EPPK1: variants seen among roughly 807,000 people sequenced by gnomAD.
EPPK1 encodes epiplakin 1.
For synonymous variants in EPPK1, 1,862 were observed against 1,721.2 expected, an observed-to-expected ratio of 1.08 and a Z score of -2.03; for missense variants, 3,823 against 3,673.3, an observed-to-expected ratio of 1.04 and a Z score of -1.05.
chr8:143,866,725 T>A lies in EPPK1; in HGVS notation c.6529A>T (p.Ile2177Phe). 1 of 1,613,460 alleles carries A rather than the reference T, an allele frequency of 6.2e-7. No individual in the cohort carries two copies. Among genetic ancestry groups the A allele is most frequent in the Non-Finnish European group, 8.5e-7 (1 of 1,179,864 alleles). ...TSNKHLWFQG[I>F]RRQITASELL... The stretch of plus-strand genomic sequence containing the variant: ...TCAGAAGCTGTGATCTGTCGTCTAA[T>A]TCCTTGGAACCACAGGTGTTTGTTG... The change falls in exon 2 of 2, where the codon ATT becomes TTT. Residue 2177 changes from isoleucine (I) to phenylalanine (F), a missense_variant. Coordinates refer to ENST00000615648, the MANE Select transcript of EPPK1 (RefSeq NM_031308.4).
At position 143,870,976 on chromosome 8, in the gene EPPK1, G is replaced by A. The variant is rs375680720; in HGVS notation, c.2278C>T (p.Pro760Ser). 1.9e-6 allele frequency: 3 copies of A among 1,613,476 alleles called. No homozygotes were observed. The East Asian group carries it at 6.7e-5, about 36-fold the overall frequency. ...AAGAAGCCCTTGGTGTCGTCAGAAG[G>A]GTCCAACAGGATCAAGTTCAGCATC... The part of the protein sequence containing the change: ...DQMLNLILLD[P>S]SDDTKGFFDP... Residue 760 changes from proline to serine, a missense_variant, in exon 2 of 2, where the codon CCT (proline) becomes TCT (serine). Pro to Ser is a moderately conservative substitution (Grantham distance 74). Coordinates refer to ENST00000615648, the MANE Select transcript of EPPK1 (RefSeq NM_031308.4). The surrounding 1 kb of genome is among the most constrained non-coding windows in gnomAD (Gnocchi z 5.2).
chr8:143,872,904 C>A lies in EPPK1; in HGVS notation c.350G>T (p.Arg117Leu), dbSNP rs566009223. 5.6e-6 allele frequency: 9 copies of A among 1,606,036 alleles called. No homozygotes were observed. Among genetic ancestry groups the A allele is most frequent in the Non-Finnish European group, 7.7e-6 (9 of 1,176,198 alleles). ...ELKEKLLAAE[R>L]ATTGYPDPYG... ...GGGGTCAGGATAGCCCGTAGTGGCA[C>A]GCTCAGCGGCCAGCAGCTTCTCCTT... Residue 117 changes from arginine to leucine, a missense_variant, in exon 2 of 2, where the codon CGT (arginine) becomes CTT (leucine). By Grantham distance (102) the Arg-to-Leu change is moderately radical (BLOSUM62 -2). Coordinates refer to ENST00000615648, the MANE Select transcript of EPPK1 (RefSeq NM_031308.4).
Position 143,872,436 on chromosome 8 carries a change from G to A in EPPK1, c.818C>T (p.Ala273Val). 1 of 1,600,058 alleles carries A rather than the reference G, an allele frequency of 6.2e-7. No homozygotes were observed. The highest frequency in any genetic ancestry group is 8.5e-7 in the Non-Finnish European group (1 of 1,178,910). Reference sequence around the variant, plus strand: ...CAGGTAGCGCCGCACCTCGGCACGTGCACTCACGTCCACTGCGGCCAGCCT... The same window carrying A: ...CAGGTAGCGCCGCACCTCGGCACGTACACTCACGTCCACTGCGGCCAGCCT... ...EGRLAAVDVS[A>V]RAEVRRYLEG... The change falls in exon 2 of 2, where the codon GCA becomes GTA. Residue 273 changes from alanine to valine, a missense_variant. By Grantham distance (64) the Ala-to-Val change is moderately conservative (BLOSUM62 0). Coordinates refer to ENST00000615648, the MANE Select transcript of EPPK1 (RefSeq NM_031308.4).
chr8:143,869,658 G>A lies in EPPK1; in HGVS notation c.3596C>T (p.Pro1199Leu). Residue 1199 changes from proline to leucine, a missense_variant, in exon 2 of 2, where the codon CCA becomes CTA. Coordinates refer to ENST00000615648, the MANE Select transcript of EPPK1 (RefSeq NM_031308.4). Reference protein sequence around the residue: ...LAQARVMVPGPRGEVPAVWLL... With the variant: ...LAQARVMVPGLRGEVPAVWLL... The stretch of plus-strand genomic sequence containing the variant: ...CCAGACAGCGGGTACCTCACCCCGT[G>A]GGCCGGGCACCATGACGCGGGCCTG... 6.3e-7 allele frequency: 1 copy of A among 1,594,750 alleles called. No individual in the cohort carries two copies. The highest frequency in any genetic ancestry group is 1.3e-5 in the African/African-American group (1 of 74,634).
rs781937838 is a variant in EPPK1 at position 143,869,808 on chromosome 8, C to G, written c.3446G>C (p.Ser1149Thr). 5.6e-5 allele frequency: 89 copies of G among 1,599,410 alleles called. No homozygotes were observed. Among genetic ancestry groups the G allele is most frequent in the Non-Finnish European group, 6.0e-5 (71 of 1,174,418 alleles). ...TTGCTCCTCGGTGAAGTGGCAGGAG[C>G]TGAGCAGGTCCCAGAGGGATGTGCC... ...KDGTSLWDLL[S>T]SCHFTEEQRR... Residue 1149 changes from serine to threonine, a missense_variant, in exon 2 of 2, where the codon AGC (serine) becomes ACC (threonine). Ser to Thr is a moderately conservative substitution (Grantham distance 58). Transcript: ENST00000615648.
chr8:143,871,017 C>A lies in EPPK1; in HGVS notation c.2237G>T (p.Arg746Leu). 1 of 1,613,260 alleles carries A rather than the reference C, an allele frequency of 6.2e-7. No homozygotes were observed. The highest frequency in any genetic ancestry group is 8.5e-7 in the Non-Finnish European group (1 of 1,179,980). Residue 746 changes from arginine to leucine, a missense_variant, in exon 2 of 2, where the codon CGC becomes CTC. Transcript: ENST00000615648. ...GTTCAGCATCTGATCGAAGTAGCCG[C>A]GCCGGTAGGCCACGTCCACGGGCAC... ...HRVPVDVAYR[R>L]GYFDQMLNLI...
rs1554657697 is a variant in EPPK1 at position 143,857,439 on chromosome 8, A to G, written c.*548T>C. 1.3e-5 allele frequency: 2 copies of G among 153,062 alleles called. No homozygotes were observed. Among genetic ancestry groups the G allele is most frequent in the Non-Finnish European group, 2.9e-5 (2 of 68,668 alleles). 9.5% of individuals were successfully genotyped at this position (153,062 alleles called of 1,614,324 possible). On this transcript the variant is annotated 3_prime_UTR_variant, in exon 2 of 2. Transcript: ENST00000615648. Reference sequence around the variant, plus strand: ...TGAGGTCACACCTCTAAGGTGGAGCAGCAGCCAATGGAGAGAATAAAGCCC... The same window carrying G: ...TGAGGTCACACCTCTAAGGTGGAGCGGCAGCCAATGGAGAGAATAAAGCCC...
chr8:143,871,066 T>C lies in EPPK1; in HGVS notation c.2188A>G (p.Ile730Val), dbSNP rs1169026845. The C allele has an allele frequency of 1.2e-6, 2 of 1,612,910 alleles. No individual in the cohort carries two copies. Among genetic ancestry groups the C allele is most frequent in the Middle Eastern group, 1.6e-4 (1 of 6,062 alleles). Residue 730 changes from isoleucine (I) to valine (V), a missense_variant, in exon 2 of 2, where the codon ATC (isoleucine) becomes GTC (valine). Physicochemically the swap from Ile to Val is conservative, Grantham distance 29. Transcript: ENST00000615648. ...ACGCGGTGGCTGTGCACGGGGTCGA[T>C]GACGCCGCCCGTGGCGATCTGGGCC... Reference protein sequence around the residue: ...LEAQIATGGVIDPVHSHRVPV... With the variant: ...LEAQIATGGVVDPVHSHRVPV...
Position 143,866,646 on chromosome 8 carries a change from C to G in EPPK1, c.6608G>C (p.Gly2203Ala). Residue 2203 changes from glycine (G) to alanine (A), a missense_variant, in exon 2 of 2, where the codon GGA (glycine) becomes GCA (alanine). Gly to Ala is a moderately conservative substitution (Grantham distance 60). Coordinates refer to ENST00000615648, the MANE Select transcript of EPPK1 (RefSeq NM_031308.4). Reference sequence around the variant, plus strand: ...CATGAGCTCTTGCGTCGTGCTCCGTCCCGTTTCCAGGTCCTGGAGCATTTC... The same window carrying G: ...CATGAGCTCTTGCGTCGTGCTCCGTGCCGTTTCCAGGTCCTGGAGCATTTC... The part of the protein sequence containing the change: ...TEEMLQDLET[G>A]RSTTQELMED... 2 of 1,613,064 alleles carry G rather than the reference C, an allele frequency of 1.2e-6. No homozygotes were observed. Among genetic ancestry groups the G allele is most frequent in the Non-Finnish European group, 1.7e-6 (2 of 1,179,872 alleles).
chr8:143,868,607 C>A lies in EPPK1; in HGVS notation c.4647G>T (p.Gln1549His). 2 of 1,602,540 alleles carry A rather than the reference C, an allele frequency of 1.2e-6. No homozygotes were observed. The highest frequency in any genetic ancestry group is 4.5e-5 in the East Asian group (2 of 44,342). ...CCACCTCCTTCACAGTCGTTGTCCC[C>A]TGGCTCAGCTCGTCCAGCGTCTTCC... ...ISRKTLDELSQGTTTVKEVAE... is the reference protein window; with the variant it reads ...ISRKTLDELSHGTTTVKEVAE... Residue 1549 changes from glutamine (Q) to histidine (H), a missense_variant, in exon 2 of 2, where the codon CAG becomes CAT. By Grantham distance (24) the Gln-to-His change is conservative. Transcript: ENST00000615648.
chr8:143,866,154 T>C lies in EPPK1; in HGVS notation c.7100A>G (p.Tyr2367Cys), dbSNP rs1819097624. 2.6e-6 allele frequency: 1 copy of C among 390,722 alleles called. No homozygotes were observed. The highest frequency in any genetic ancestry group is 4.3e-6 in the Non-Finnish European group (1 of 233,442). 24.2% of individuals were successfully genotyped at this position (390,722 alleles called of 1,614,324 possible). A position where few individuals can be genotyped will look rare whatever the true frequency, so the allele number is the denominator to read the frequency against. The change falls in exon 2 of 2, where the codon TAC (tyrosine) becomes TGC (cysteine). Residue 2367 changes from tyrosine to cysteine, a missense_variant. Transcript: ENST00000615648. ...GACACGGTTCATCTCCTCGTCGAAG[T>C]AGCCGCGCCGGTAGGCCACGTCCAC... ...VPVDVAYRRG[Y>C]FDEEMNRVLA...
At chr8:143,877,099 G>A (rs1807069413) in intron 1 of EPPK1, among the ~76,000 whole-genome samples, 1 of 152,260 alleles carries the variant, frequency 6.6e-6, no homozygotes, top group South Asian at 2.1e-4. Context: ...CCCTGCGTGT[G>A]TGAGTGTGCC....
At position 143,869,048 on chromosome 8, in the gene EPPK1, G is replaced by C; in HGVS notation, c.4206C>G (p.Phe1402Leu). Residue 1402 changes from phenylalanine to leucine, a missense_variant, in exon 2 of 2, where the codon TTC (phenylalanine) becomes TTG (leucine). By Grantham distance (22) the Phe-to-Leu change is conservative. Transcript: ENST00000615648. The stretch of plus-strand genomic sequence containing the variant: ...GGTCCCGCGCACTGGGGTCAAAGAA[G>C]AACTTGTTGTCCTTGTCAACTGCAG... ...VLTAVDKDNK[F>L]FFDPSARDQV... is the part of the protein sequence containing the mutation. 1 of 1,609,504 alleles carries C rather than the reference G, an allele frequency of 6.2e-7. No individual in the cohort carries two copies. Among genetic ancestry groups the C allele is most frequent in the African/African-American group, 1.3e-5 (1 of 75,062 alleles).
chr8:143,870,863 T>A lies in EPPK1; in HGVS notation c.2391A>T (p.Pro797=). The A allele has an allele frequency of 2.5e-6, 4 of 1,612,392 alleles. 1 individual carries two copies. In the South Asian group the frequency reaches 4.4e-5, roughly 18 times the overall value. The change falls in exon 2 of 2, where the codon CCA becomes CCT. Residue 797 remains proline, a synonymous_variant. Coordinates refer to ENST00000615648, the MANE Select transcript of EPPK1 (RefSeq NM_031308.4). This position sits in a 1 kb window ranked among gnomAD's most constrained non-coding sequence, Gnocchi z 5.2. The part of the protein sequence containing the change: ...RDPETGLYLL[P]LSSTQSPLVD... ...CCAGCGGGGACTGCGTGCTGCTGAG[T>A]GGCAGGAGGTACAGGCCCGTCTCGG... is the stretch of plus-strand genomic sequence containing the variant.
Position 143,869,791 on chromosome 8 carries a change from C to A in EPPK1, c.3463G>T (p.Glu1155Ter). 1 of 1,605,316 alleles carries A rather than the reference C, an allele frequency of 6.2e-7. No individual in the cohort carries two copies. Among genetic ancestry groups the A allele is most frequent in the East Asian group, 2.2e-5 (1 of 44,472 alleles). ...TCCAGCAGGCCCCTCCGTTGCTCCTCGGTGAAGTGGCAGGAGCTGAGCAGG... is the reference window on the plus strand; with the variant it reads ...TCCAGCAGGCCCCTCCGTTGCTCCTAGGTGAAGTGGCAGGAGCTGAGCAGG... ...WDLLSSCHFT[E>*]EQRRGLLEDV... The change falls in exon 2 of 2, where the codon GAG becomes TAG. Residue 1155 changes from glutamate (E) to a stop codon, truncating the protein, a stop_gained. Coordinates refer to ENST00000615648, the MANE Select transcript of EPPK1 (RefSeq NM_031308.4). LOFTEE classifies it low-confidence loss of function (END_TRUNC).
chr8:143,868,561 G>A lies in EPPK1; in HGVS notation c.4693C>T (p.Arg1565Trp), dbSNP rs781838496. The change falls in exon 2 of 2, where the codon CGG (arginine) becomes TGG (tryptophan). Residue 1565 changes from arginine (R) to tryptophan (W), a missense_variant. Transcript: ENST00000615648. ...ATGAAGTTGCCTCCCTCCAGGGACC[G>A]CTTCACGCTGTCCATCTCCGCCACC... is the stretch of plus-strand genomic sequence containing the variant. ...KEVAEMDSVKRSLEGGNFIAG... is the reference protein window; with the variant it reads ...KEVAEMDSVKWSLEGGNFIAG... 2.3e-5 allele frequency: 37 copies of A among 1,603,344 alleles called. No homozygotes were observed. The highest frequency in any genetic ancestry group is 5.6e-5 in the South Asian group (5 of 89,616).
Position 143,866,816 on chromosome 8 carries a change from G to A in EPPK1, c.6438C>T (p.His2146=), listed in dbSNP as rs1400478224. ...KLQLVRMYRT[H]TRRALQTVAQ... ...CTACCGTCTGCAGTGCCCGTCTGGT[G>A]TGTGTTCTATACATCCTCACCAGCT... The change falls in exon 2 of 2, where the codon CAC becomes CAT. Residue 2146 remains histidine (H), a synonymous_variant. Coordinates refer to ENST00000615648, the MANE Select transcript of EPPK1 (RefSeq NM_031308.4). 2.5e-6 allele frequency: 4 copies of A among 1,613,326 alleles called. No individual in the cohort carries two copies. In the African/African-American group the frequency reaches 4.0e-5, roughly 16 times the overall value.
chr8:143,873,059 G>A lies in EPPK1; in HGVS notation c.195C>T (p.Leu65=), dbSNP rs782575904. The A allele has an allele frequency of 9.6e-6, 15 of 1,562,010 alleles. No individual in the cohort carries two copies. The highest frequency in any genetic ancestry group is 6.9e-6 in the Non-Finnish European group (8 of 1,153,384). ...GAGCCTGCCCGAGCCCAGCAGGCAG[G>A]AGGCCCTGCTCCATGGCGGCGTAGA... ...QSVYAAMEQG[L]LPAGLGQALL... is the part of the protein sequence containing the mutation. The change falls in exon 2 of 2, where the codon CTC becomes CTT. Residue 65 remains leucine (L), a synonymous_variant. Coordinates refer to ENST00000615648, the MANE Select transcript of EPPK1 (RefSeq NM_031308.4).
In EPPK1 at chr8:143,870,474, C is replaced by A. The variant is rs1554660790; in HGVS notation, c.2780G>T (p.Cys927Phe). 1 of 1,604,476 alleles carries A rather than the reference C, an allele frequency of 6.2e-7. No individual in the cohort carries two copies. Among genetic ancestry groups the A allele is most frequent in the East Asian group, 2.2e-5 (1 of 44,790 alleles). The change falls in exon 2 of 2, where the codon TGC becomes TTC. Residue 927 changes from cysteine to phenylalanine, a missense_variant. Cys to Phe is a radical substitution (Grantham distance 205, BLOSUM62 -2). Coordinates refer to ENST00000615648, the MANE Select transcript of EPPK1 (RefSeq NM_031308.4). The surrounding 1 kb of genome is among the most constrained non-coding windows in gnomAD (Gnocchi z 5.2). ...CACACCGCCCACAGCTCCCAGGCCG[C>A]ACAGGTACCTGCGGACGCCGTCCAT... The part of the protein sequence containing the change: ...LLMDGVRRYL[C>F]GLGAVGGVRL...
Sources: gnomAD v4.1 joint callset for allele counts (sites outside exome capture counted in the v4.1 genomes callset) on GRCh38, gnomAD v4.1.1 for gene constraint, Gnocchi (gnomAD v3.1) non-coding constraint, MANE v1.5 for transcripts, NCBI Gene and HGNC (gene_info 2026-07-23, HGNC 2026-07-21) for gene names.